Variants in NISCH observed in about 807,000 individuals in gnomAD.
NISCH encodes the protein nischarin, also known as I-1 receptor candidate protein.
In NISCH, 55 loss-of-function variants were observed where a neutral mutation model predicts 138.4. The observed-to-expected ratio is 0.40, with a 90% CI of 0.32 to 0.50. The LOEUF (loss-of-function observed/expected upper bound fraction) is 0.50. Ranked by LOEUF, NISCH falls within the 20% of genes least tolerant of loss-of-function variation. The probability of loss-of-function intolerance (pLI) is 0.71; values close to 1 mark genes in which losing one functional copy is unlikely to be tolerated. For synonymous variants in NISCH, 860 were observed against 861.5 expected (o/e 1.00, Z 0.03); for missense variants, 1,643 against 2,005.5 (o/e 0.82, Z 3.45).
chr3:52,471,248 T>C (rs574379009), intron 4 of NISCH: 1 of 377,842 alleles, frequency 2.6e-6, no homozygotes, highest in Non-Finnish European at 4.8e-6. Context: ...GTAGCTCATG[T>C]GTGATGAATG....
chr3:52,455,658 C>G lies in NISCH; in HGVS notation c.17C>G (p.Thr6Ser). Residue 6 changes from threonine (T) to serine (S), a missense_variant, in exon 1 of 21, where the codon ACC becomes AGC. Thr to Ser is a moderately conservative substitution (Grantham distance 58, BLOSUM62 1). Coordinates refer to ENST00000345716, the MANE Select transcript of NISCH (RefSeq NM_007184.4). ...GACCCGAACATGGCGACCGCGCGCA[C>G]CTTCGGGCCCGAGCGGGAAGCCGAG... The part of the protein sequence containing the change: MATAR[T>S]FGPEREAEPA... 2 of 1,351,776 alleles carry G rather than the reference C, an allele frequency of 1.5e-6. No homozygotes were observed. Among genetic ancestry groups the G allele is most frequent in the African/African-American group, 1.5e-5 (1 of 66,644 alleles). 83.7% of individuals were successfully genotyped at this position (1,351,776 alleles called of 1,614,324 possible). A position where few individuals can be genotyped will look rare whatever the true frequency, so the allele number is the denominator to read the frequency against.
At chr3:52,474,554 C>A (rs1419831844) in intron 7 of NISCH, among the ~76,000 whole-genome samples, 2 of 152,136 alleles carry the variant, frequency 1.3e-5, no homozygotes, top group African/African-American at 4.8e-5. Flanking sequence ...CCTCGGCCTC[C>A]CAAAGTGCTG....
rs1465011966 is a variant in NISCH at position 52,479,711 on chromosome 3, C to G, written c.1303-38C>G. 6 of 1,454,256 alleles carry G rather than the reference C, an allele frequency of 4.1e-6. No individual in the cohort carries two copies. In the South Asian group the frequency reaches 7.1e-5, roughly 17 times the overall value. The allele number at this position is 1,454,256 out of a possible 1,614,324, so 90.1% of individuals were successfully genotyped here. A position where few individuals can be genotyped will look rare whatever the true frequency, so the allele number is the denominator to read the frequency against. ...CAGTCCCCATGCTGATAGCCATCAC[C>G]AGTCCCCATGCTGATAGCCACTTTC... is the stretch of plus-strand genomic sequence containing the variant. On this transcript the variant is annotated intron_variant, in intron 11 of 20. Coordinates refer to ENST00000345716, the MANE Select transcript of NISCH (RefSeq NM_007184.4).
chr3:52,472,212 G>T, intron 5 of NISCH, 91 bp from the exon 6 acceptor site: 1 of 1,261,294 alleles, frequency 7.9e-7, no homozygotes. Context: ...GACAGAAGTG[G>T]TCAAAGTTGT....
chr3:52,456,535 G>T (rs1706475781), intron 1 of NISCH, among the ~76,000 whole-genome samples: 1 of 152,188 alleles, frequency 6.6e-6, no homozygotes, highest in Non-Finnish European at 1.5e-5. Flanking sequence ...GGCAAAAACC[G>T]GCCCTGGACT....
intron 7 of NISCH, among the ~76,000 whole-genome samples, chr3:52,475,343 C>G (rs1341686828): frequency 6.6e-6 from 1 of 152,174 alleles, no homozygotes; most frequent in Non-Finnish European, 1.5e-5. Flanking sequence ...AAGGTCTTGT[C>G]AAAACAAATA....
chr3:52,483,493 A>AGT, intron 13 of NISCH, among the ~76,000 whole-genome samples: 1 of 152,328 alleles, frequency 6.6e-6, no homozygotes, highest in Middle Eastern at 3.4e-3. Context: ...TCTGAGGTGG[A>AGT]GTAACAGGTC....
intron 13 of NISCH, 142 bp from the exon 14 acceptor site, chr3:52,484,371 T>C (rs1707352521): frequency 4.6e-6 from 3 of 657,028 alleles, no homozygotes; most frequent in Admixed American, 5.8e-5. Context: ...CATTTTCTTC[T>C]ATAATCCATG....
At chr3:52,468,453 G>A (rs1007991885) in intron 3 of NISCH, among the ~76,000 whole-genome samples, 7 of 152,160 alleles carry the variant, frequency 4.6e-5, no homozygotes, top group Admixed American at 1.3e-4. Flanking sequence ...GGAGGATTGC[G>A]AAGTACAGAT....
chr3:52,491,871 G>A lies in NISCH; in HGVS notation c.3905-1G>A, dbSNP rs1401145455. 1 of 1,583,840 alleles carries A rather than the reference G, an allele frequency of 6.3e-7. No individual in the cohort carries two copies. The highest frequency in any genetic ancestry group is 8.6e-7 in the Non-Finnish European group (1 of 1,161,508). On this transcript the variant is annotated splice_acceptor_variant, in intron 20 of 20. Transcript: ENST00000345716. LOFTEE classifies it high-confidence loss of function. ...ATAGCCCAGGTGGCATCTCTCTGCA[G>A]GGAAGATGGAGAACTACGAGCTGAT...
At chr3:52,476,303 G>T in intron 7 of NISCH, 144 bp from the exon 8 acceptor site, 1 of 829,970 alleles carries the variant, frequency 1.2e-6, no homozygotes. Flanking sequence ...AAAGACATAG[G>T]AACCAAAGGC....
Position 52,487,025 on chromosome 3 carries a change from G to A in NISCH, c.1704-171G>A, listed in dbSNP as rs1217266427. On this transcript the variant is annotated intron_variant, in intron 15 of 20. Coordinates refer to ENST00000345716, the MANE Select transcript of NISCH (RefSeq NM_007184.4). The surrounding 1 kb of genome is among the most constrained non-coding windows in gnomAD (Gnocchi z 9.1). ...CCCAGCCTTCCAGCAGGCAGCACTG[G>A]CTCCCACCAGGGCCCTCATCCTGGG... Among the ~76,000 whole-genome samples the A allele has an allele frequency of 6.6e-6, 1 of 152,208 alleles. No individual in the cohort carries two copies. Among genetic ancestry groups the A allele is most frequent in the African/African-American group, 2.4e-5 (1 of 41,444 alleles).
intron 6 of NISCH, 37 bp from the exon 7 acceptor site, chr3:52,473,697 G>T: frequency 6.9e-7 from 1 of 1,449,666 alleles, no homozygotes; most frequent in Non-Finnish European, 9.6e-7. Flanking sequence ...ACGGAGCAAG[G>T]ATTCTGTTTC....
intron 3 of NISCH, among the ~76,000 whole-genome samples, chr3:52,460,359 A>T (rs1197647817): frequency 6.6e-6 from 1 of 151,920 alleles, no homozygotes; most frequent in Admixed American, 6.6e-5. Flanking sequence ...CTCAAAAAAA[A>T]TGCAACTTTC....
intron 3 of NISCH, among the ~76,000 whole-genome samples, chr3:52,460,040 G>A (rs545129713): frequency 3.3e-5 from 5 of 151,518 alleles, no homozygotes; most frequent in East Asian, 4.0e-4. Context: ...AATTAGCTGG[G>A]TATGGTGGCA....
chr3:52,490,262 C>T, intron 18 of NISCH, 31 bp downstream of exon 18: 1 of 1,607,298 alleles, frequency 6.2e-7, no homozygotes, highest in South Asian at 1.1e-5. Context: ...GGCTCAGGAG[C>T]TTGGAGTGTG....
At chr3:52,468,201 G>A (rs1298037903) in intron 3 of NISCH, among the ~76,000 whole-genome samples, 1 of 152,212 alleles carries the variant, frequency 6.6e-6, no homozygotes, top group Non-Finnish European at 1.5e-5. Context: ...GGAGGGTGCA[G>A]TGAGCCAGGA....
chr3:52,483,591 C>T (rs1238970681), intron 13 of NISCH, among the ~76,000 whole-genome samples: 3 of 152,186 alleles, frequency 2.0e-5, no homozygotes, highest in Non-Finnish European at 2.9e-5. Context: ...TGCTGCTGTC[C>T]GTGGGAGGTG....
Position 52,489,347 on chromosome 3 carries a change from G to C in NISCH, c.3125G>C (p.Arg1042Pro), listed in dbSNP as rs748520977. The C allele has an allele frequency of 6.2e-7, 1 of 1,612,072 alleles. No individual in the cohort carries two copies. The highest frequency in any genetic ancestry group is 1.3e-5 in the African/African-American group (1 of 74,874). Reference sequence around the variant, plus strand: ...TTCGGGGGATACAGCAATGACCAGCGTCCCCAGGAGGTCCCAGCAGAGGCT... The same window carrying C: ...TTCGGGGGATACAGCAATGACCAGCCTCCCCAGGAGGTCCCAGCAGAGGCT... ...PAERRASNDQ[R>P]PQEVPAEALA... Residue 1042 changes from arginine to proline, a missense_variant, in exon 17 of 21, where the codon CGT becomes CCT. Coordinates refer to ENST00000345716, the MANE Select transcript of NISCH (RefSeq NM_007184.4).
Sources: gnomAD v4.1 joint callset for allele counts (sites outside exome capture counted in the v4.1 genomes callset) on GRCh38, gnomAD v4.1.1 for gene constraint, Gnocchi (gnomAD v3.1) non-coding constraint, MANE v1.5 for transcripts, NCBI Gene and HGNC (gene_info 2026-07-23, HGNC 2026-07-21) for gene names.